SRGAP3: variants seen among roughly 807,000 people sequenced by gnomAD.
SRGAP3 encodes the protein SLIT-ROBO Rho GTPase activating protein 3.
A neutral mutation model predicts 121.1 loss-of-function variants in SRGAP3; 39 were observed. The observed-to-expected ratio is 0.32, with a 90% CI of 0.25 to 0.42. SRGAP3 has a LOEUF of 0.42. Among genes scored for constraint, SRGAP3 ranks in the 10% least tolerant of loss-of-function variants. The pLI is 1.00. For synonymous variants in SRGAP3, 601 were observed against 570.0 expected, an observed-to-expected ratio of 1.05 and a Z score of -0.77; for missense variants, 1,213 against 1,470.6, an observed-to-expected ratio of 0.82 and a Z score of 2.86.
chr3:9,124,600 A>C, intron 2 of SRGAP3, 125 bp downstream of exon 2: 13 of 1,207,892 alleles, frequency 1.1e-5, no homozygotes, highest in Non-Finnish European at 1.6e-5. Flanking sequence ...CTGCAGAGCC[A>C]GGGCCCTGAA....
upstream of SRGAP3, among the ~76,000 whole-genome samples, chr3:9,251,286 A>C (rs1022649757): frequency 2.6e-5 from 4 of 152,116 alleles, no homozygotes; most frequent in African/African-American, 9.7e-5. Context: ...TTGTACCCGG[A>C]GGCAGGAGGT....
At chr3:9,211,276 C>T (rs1212353128) in intron 1 of SRGAP3, among the ~76,000 whole-genome samples, 2 of 152,100 alleles carry the variant, frequency 1.3e-5, no homozygotes, top group African/African-American at 4.8e-5. Flanking sequence ...CTGAAGATAC[C>T]ACATCTGGTC....
chr3:9,029,977 CA>C (rs142407625), intron 12 of SRGAP3, among the ~76,000 whole-genome samples: 120 of 135,292 alleles, frequency 8.9e-4, no homozygotes, highest in Middle Eastern at 3.9e-3. Context: ...CCTGTCTCTA[CA>C]AAAAAAAAAA....
chr3:9,097,269 A>T (rs995285521), intron 3 of SRGAP3, among the ~76,000 whole-genome samples: 9 of 151,928 alleles, frequency 5.9e-5, no homozygotes, highest in Non-Finnish European at 1.2e-4. Context: ...GGGGTTACAG[A>T]TGTGAGCCAC....
At chr3:9,140,485 A>G (rs1160131222) in intron 1 of SRGAP3, among the ~76,000 whole-genome samples, 3 of 152,264 alleles carry the variant, frequency 2.0e-5, no homozygotes, top group African/African-American at 7.2e-5. Flanking sequence ...TGGTAGGATT[A>G]CAGATAAATT....
At chr3:9,117,491 C>A (rs759036611) in intron 2 of SRGAP3, among the ~76,000 whole-genome samples, 33 of 152,210 alleles carry the variant, frequency 2.2e-4, no homozygotes, top group Admixed American at 7.9e-4. Flanking sequence ...CCCTAACTAG[C>A]CAAGTGCCTC....
chr3:9,060,317 C>A lies in SRGAP3; in HGVS notation c.715G>T (p.Ala239Ser), dbSNP rs1946085371. ...YSENKLKCTK[A>S]RNDYLLNLAA... The stretch of plus-strand genomic sequence containing the variant: ...AGATTGAGCAAGTAGTCATTCCGGG[C>A]CTTTGTGCATTTCAGCTTGTTCTCA... The change falls in exon 6 of 22, where the codon GCC becomes TCC. Residue 239 changes from alanine to serine, a missense_variant. By Grantham distance (99) the Ala-to-Ser change is moderately conservative (BLOSUM62 1). Around this residue, in one of 2 missense-constraint regions of SRGAP3, gnomAD observed 793 missense variants for 1,032.9 expected, o/e 0.77. Coordinates refer to ENST00000383836, the MANE Select transcript of SRGAP3 (RefSeq NM_014850.4). The A allele has an allele frequency of 6.2e-7, 1 of 1,613,940 alleles. No homozygotes were observed. Among genetic ancestry groups the A allele is most frequent in the Non-Finnish European group, 8.5e-7 (1 of 1,180,000 alleles).
At chr3:9,140,401 T>TG (rs1949807371) in intron 1 of SRGAP3, among the ~76,000 whole-genome samples, 2 of 152,162 alleles carry the variant, frequency 1.3e-5, no homozygotes. Context: ...TCCCAAAACA[T>TG]AATTATAGCT....
intron 2 of SRGAP3, among the ~76,000 whole-genome samples, chr3:9,107,385 A>C (rs534109439): frequency 4.6e-5 from 7 of 152,374 alleles, no homozygotes; most frequent in African/African-American, 1.7e-4. Context: ...CTGCTGGAGA[A>C]GCTGCAGAAG....
At chr3:9,157,869 A>G (rs1950471099) in intron 1 of SRGAP3, among the ~76,000 whole-genome samples, 1 of 152,262 alleles carries the variant, frequency 6.6e-6, no homozygotes, top group Non-Finnish European at 1.5e-5. Context: ...CACAGGAAGT[A>G]ATCCTACAGG....
intron 1 of SRGAP3, among the ~76,000 whole-genome samples, chr3:9,209,005 G>T (rs1245166410): frequency 6.6e-6 from 1 of 152,210 alleles, no homozygotes; most frequent in Non-Finnish European, 1.5e-5. Flanking sequence ...CATGGAGACT[G>T]GGCTTATAGG....
In SRGAP3 at chr3:9,155,108, T is replaced by C. The variant is rs988407439; in HGVS notation, c.68-30191A>G. Among the ~76,000 whole-genome samples, 5 of 152,220 alleles carry C rather than the reference T, an allele frequency of 3.3e-5. No homozygotes were observed. The East Asian group carries it at 7.7e-4, about 24-fold the overall frequency. On this transcript the variant is annotated intron_variant, in intron 1 of 21. Transcript: ENST00000383836. ...CAGCAGGCCTCGGTGTGTATTAAAG[T>C]GTCTTCTTTTTGTATATTTGAAAGT...
At chr3:9,089,383 T>C (rs1947648735) in intron 3 of SRGAP3, among the ~76,000 whole-genome samples, 1 of 151,538 alleles carries the variant, frequency 6.6e-6, no homozygotes, top group South Asian at 2.1e-4. Context: ...GATTCATCTT[T>C]TTGATTGGTC....
intron 3 of SRGAP3, among the ~76,000 whole-genome samples, chr3:9,097,777 T>C (rs983207858): frequency 5.3e-5 from 8 of 152,200 alleles, no homozygotes; most frequent in Admixed American, 4.6e-4. Flanking sequence ...CAGCCTCTTT[T>C]AGAGGGAGCC....
At position 9,264,495 on chromosome 3, in the gene SRGAP3, T is replaced by C. The variant is rs528401835; in HGVS notation, n.442+61515A>G. Reference sequence around the variant, plus strand: ...TCCCATCATCTCAGCCCAAAAACTCTGTAAGCTGATAAGCAACTTCAGCAA... The same window carrying C: ...TCCCATCATCTCAGCCCAAAAACTCCGTAAGCTGATAAGCAACTTCAGCAA... On this transcript the variant is annotated intron_variant and non_coding_transcript_variant, in intron 3 of 3. Coordinates refer to the SRGAP3 transcript ENST00000490889. 1.1e-4 allele frequency among the ~76,000 whole-genome samples: 17 copies of C among 152,294 alleles called. No homozygotes were observed. The South Asian group carries it at 3.3e-3, about 30-fold the overall frequency.
At chr3:9,092,527 T>C (rs1265037897) in intron 3 of SRGAP3, among the ~76,000 whole-genome samples, 2 of 152,110 alleles carry the variant, frequency 1.3e-5, no homozygotes, top group African/African-American at 4.8e-5. Context: ...ATTTTGAAGA[T>C]TAGAACACAG....
intron 10 of SRGAP3, among the ~76,000 whole-genome samples, chr3:9,042,229 T>G (rs1254732518): frequency 2.6e-5 from 4 of 152,242 alleles, no homozygotes; most frequent in Non-Finnish European, 5.9e-5. Flanking sequence ...ATAAGATATT[T>G]TCTATTTTGT....
chr3:9,070,167 C>G (rs1318777224), intron 4 of SRGAP3, among the ~76,000 whole-genome samples: 1 of 152,178 alleles, frequency 6.6e-6, no homozygotes, highest in African/African-American at 2.4e-5. Flanking sequence ...CATCTTTCAG[C>G]CCCTCATTTA....
At chr3:9,175,775 T>G (rs1189961403) in intron 1 of SRGAP3, among the ~76,000 whole-genome samples, 1 of 152,214 alleles carries the variant, frequency 6.6e-6, no homozygotes, top group African/African-American at 2.4e-5. Flanking sequence ...GTGTGGTCCT[T>G]GGGATGCTTC....
Sources: allele counts gnomAD v4.1 joint callset (sites outside exome capture counted in the v4.1 genomes callset), GRCh38; gene constraint gnomAD v4.1.1; regional missense constraint gnomAD v4.1.1; transcripts MANE v1.5; gene names NCBI Gene and HGNC (gene_info 2026-07-23, HGNC 2026-07-21).